DSC1: variants seen among roughly 807,000 people sequenced by gnomAD.
DSC1 encodes the protein desmocollin 1, also known as desmocollin-1.
A neutral mutation model predicts 98.8 loss-of-function variants in DSC1; 79 were observed. The observed-to-expected ratio is 0.80, with a 90% CI of 0.67 to 0.96. DSC1 has a LOEUF of 0.96. Ranked by LOEUF, DSC1 falls within the 50% of genes least tolerant of loss-of-function variation. The pLI is 0.00. For synonymous variants in DSC1, 405 were observed against 372.1 expected, an observed-to-expected ratio of 1.09 and a Z score of -1.02; for missense variants, 1,115 against 1,075.9, an observed-to-expected ratio of 1.04 and a Z score of -0.51.
In DSC1 at chr18:31,162,726, G is replaced by T; in HGVS notation, c.-132C>A. On this transcript the variant is annotated 5_prime_UTR_variant, in exon 1 of 16. Transcript: ENST00000257198. ...ACCTTGATGCAGCTGAGCTTGGTTT[G>T]GAAGACAGTCCGGAGGCAAGTGATA... is the stretch of plus-strand genomic sequence containing the variant. 1 of 741,862 alleles carries T rather than the reference G, an allele frequency of 1.3e-6. No individual in the cohort carries two copies. The highest frequency in any genetic ancestry group is 1.6e-5 in the South Asian group (1 of 60,918). 46.0% of individuals were successfully genotyped at this position (741,862 alleles called of 1,614,324 possible).
In DSC1 at chr18:31,145,774, G is replaced by T; in HGVS notation, c.776C>A (p.Thr259Asn). 6.2e-7 allele frequency: 1 copy of T among 1,612,742 alleles called. No homozygotes were observed. Among genetic ancestry groups the T allele is most frequent in the Non-Finnish European group, 8.5e-7 (1 of 1,179,502 alleles). The change falls in exon 7 of 16, where the codon ACT (threonine) becomes AAT (asparagine). Residue 259 changes from threonine to asparagine, a missense_variant. Physicochemically the swap from Thr to Asn is moderately conservative, Grantham distance 65. Coordinates refer to ENST00000257198, the MANE Select transcript of DSC1 (RefSeq NM_024421.2). ...FTVPENCRSG[T>N]SVGKVTATDL... ...TGTGGCGGTCACTTTTCCCACTGAAGTTCCTGTTTAGATAAATCCAAAAGT... is the reference window on the plus strand; with the variant it reads ...TGTGGCGGTCACTTTTCCCACTGAATTTCCTGTTTAGATAAATCCAAAAGT...
chr18:31,156,856 T>A (rs1329191380), intron 3 of DSC1, among the ~76,000 whole-genome samples: 1 of 152,214 alleles, frequency 6.6e-6, no homozygotes, highest in African/African-American at 2.4e-5. Context: ...GAGTTAAACA[T>A]TCAAATCAAT....
intron 15 of DSC1, 165 bp downstream of exon 15, chr18:31,131,429 T>C: frequency 1.0e-6 from 1 of 964,828 alleles, no homozygotes; most frequent in South Asian, 1.8e-5. Context: ...TTTTCAAAGA[T>C]CATTTTTATC....
At position 31,139,805 on chromosome 18, in the gene DSC1, C is replaced by T. The variant is rs1458208837; in HGVS notation, c.1606G>A (p.Glu536Lys). Residue 536 changes from glutamate (E) to lysine (K), a missense_variant, in exon 11 of 16, where the codon GAA becomes AAA. By Grantham distance (56) the Glu-to-Lys change is moderately conservative (BLOSUM62 1). Transcript: ENST00000257198. ...TGGTTGTTTTTTACAAATTTGGATT[C>T]TCTATCTAGTACTTTTAGAGTTCTC... ...DLRTLKVLDR[E>K]SKFVKNNQYN... The T allele has an allele frequency of 1.2e-6, 2 of 1,611,570 alleles. No homozygotes were observed. The highest frequency in any genetic ancestry group is 1.3e-5 in the African/African-American group (1 of 74,782).
chr18:31,148,649 G>A lies in DSC1; in HGVS notation c.628-7C>T. On this transcript the variant is annotated splice_region_variant and splice_polypyrimidine_tract_variant and intron_variant, in intron 5 of 15. Transcript: ENST00000257198. ...TTGTTGCATAGCCATATAACTGAAAGAAGGGAAAATACCATCAATGTATTC... is the reference window on the plus strand; with the variant it reads ...TTGTTGCATAGCCATATAACTGAAAAAAGGGAAAATACCATCAATGTATTC... 6.4e-7 allele frequency: 1 copy of A among 1,561,842 alleles called. No homozygotes were observed. The highest frequency in any genetic ancestry group is 2.3e-5 in the East Asian group (1 of 43,812).
At chr18:31,144,121 G>A (rs1988793612) in intron 7 of DSC1, among the ~76,000 whole-genome samples, 1 of 152,160 alleles carries the variant, frequency 6.6e-6, no homozygotes, top group East Asian at 1.9e-4. Context: ...TGTTGCCCAG[G>A]CTGGTCACGA....
chr18:31,148,656 A>G lies in DSC1; in HGVS notation c.628-14T>C. ...ATAGCCATATAACTGAAAGAAGGGA[A>G]AATACCATCAATGTATTCTCAAACC... On this transcript the variant is annotated splice_polypyrimidine_tract_variant and intron_variant, in intron 5 of 15. Transcript: ENST00000257198. The G allele has an allele frequency of 6.4e-7, 1 of 1,560,908 alleles. No individual in the cohort carries two copies. The highest frequency in any genetic ancestry group is 8.8e-7 in the Non-Finnish European group (1 of 1,142,238).
intron 1 of DSC1, among the ~76,000 whole-genome samples, chr18:31,161,928 C>T (rs1989217016): frequency 3.9e-5 from 6 of 152,050 alleles, no homozygotes; most frequent in Admixed American, 3.9e-4. Flanking sequence ...GAAATAACCC[C>T]CCTCTCTTCC....
Position 31,159,210 on chromosome 18 carries a change from C to T in DSC1, c.148+235G>A, listed in dbSNP as rs559052549. ...CTGGGACTACAGGCGCCCGCCACCGCGCCCGGCTAATTTTTTGTATTTTTA... is the reference window on the plus strand; with the variant it reads ...CTGGGACTACAGGCGCCCGCCACCGTGCCCGGCTAATTTTTTGTATTTTTA... On this transcript the variant is annotated intron_variant, in intron 2 of 15. Transcript: ENST00000257198. Among the ~76,000 whole-genome samples the T allele has an allele frequency of 8.8e-5, 11 of 124,698 alleles. 1 individual carries two copies. The East Asian group carries it at 1.2e-3, about 14-fold the overall frequency. The allele number at this position is 124,698 out of a possible 152,430, so 81.8% of individuals were successfully genotyped here.
intron 5 of DSC1, among the ~76,000 whole-genome samples, chr18:31,152,034 C>T (rs1185187869): frequency 1.3e-5 from 2 of 151,704 alleles, no homozygotes; most frequent in Non-Finnish European, 2.9e-5. Flanking sequence ...TGGTGGTGGG[C>T]GCCTGTAATC....
intron 7 of DSC1, among the ~76,000 whole-genome samples, chr18:31,144,502 C>A (rs1351743219): frequency 2.0e-5 from 3 of 152,134 alleles, no homozygotes; most frequent in Non-Finnish European, 4.4e-5. Context: ...AGAAGCCAAT[C>A]TTAAAAGCCT....
intron 4 of DSC1, among the ~76,000 whole-genome samples, chr18:31,155,632 A>G (rs1313124554): frequency 2.0e-5 from 3 of 152,190 alleles, no homozygotes; most frequent in African/African-American, 7.2e-5. Flanking sequence ...TTTGCAATCC[A>G]GCTATGTGGC....
rs547412113 is a variant in DSC1 at position 31,134,144 on chromosome 18, A to C, written c.1877-14T>G. On this transcript the variant is annotated splice_polypyrimidine_tract_variant and intron_variant, in intron 12 of 15. Transcript: ENST00000257198. ...TGGCAGTTTTACCTAGGGAAAAAAA[A>C]GACAGAATATATATGGATTGGCTGT... 25 of 1,599,854 alleles carry C rather than the reference A, an allele frequency of 1.6e-5. No individual in the cohort carries two copies. In the African/African-American group the frequency reaches 2.9e-4, roughly 19 times the overall value.
At chr18:31,150,288 C>T (rs59243352) in intron 5 of DSC1, among the ~76,000 whole-genome samples, 5 of 74,578 alleles carry the variant, frequency 6.7e-5, no homozygotes, top group South Asian at 4.6e-4. Context: ...ATCACCACCA[C>T]CACCACTACC....
chr18:31,162,349 C>A (rs1468124682), intron 1 of DSC1, among the ~76,000 whole-genome samples, 183 bp downstream of exon 1: 1 of 152,186 alleles, frequency 6.6e-6, no homozygotes, highest in Non-Finnish European at 1.5e-5. Context: ...AAGCTGAACA[C>A]TTTCCATCCT....
At chr18:31,131,927 C>G in intron 14 of DSC1, 85 bp from the exon 15 acceptor site, 3 of 1,440,954 alleles carry the variant, frequency 2.1e-6, no homozygotes, top group Non-Finnish European at 2.8e-6. Flanking sequence ...ATAGGCAAAT[C>G]ACTTGCCTGC....
Position 31,130,061 on chromosome 18 carries a change from G to A in DSC1, c.*453C>T, listed in dbSNP as rs1453828866. 1 of 161,094 alleles carries A rather than the reference G, an allele frequency of 6.2e-6. No individual in the cohort carries two copies. The highest frequency in any genetic ancestry group is 1.8e-4 in the East Asian group (1 of 5,542). 10.0% of individuals were successfully genotyped at this position (161,094 alleles called of 1,614,324 possible). A position where few individuals can be genotyped will look rare whatever the true frequency, so the allele number is the denominator to read the frequency against. On this transcript the variant is annotated 3_prime_UTR_variant, in exon 16 of 16. Coordinates refer to ENST00000257198, the MANE Select transcript of DSC1 (RefSeq NM_024421.2). ...AAAGTCCTTTTTAAACCACTCAGGT[G>A]GAGAGAATGCAATTATCTGGCACCA...
chr18:31,159,376 CT>C, intron 2 of DSC1, 68 bp downstream of exon 2: 2 of 1,539,460 alleles, frequency 1.3e-6, no homozygotes, highest in South Asian at 2.3e-5. Flanking sequence ...TTATCCCAAA[CT>C]TTACAAGAGC....
At chr18:31,157,697 C>T (rs1454144220) in intron 2 of DSC1, 124 bp from the exon 3 acceptor site, 2 of 933,816 alleles carry the variant, frequency 2.1e-6, no homozygotes, top group Non-Finnish European at 3.3e-6. Context: ...TTGGAATGTG[C>T]TCAGCACCTG....
Sources: gnomAD v4.1 joint callset for allele counts (sites outside exome capture counted in the v4.1 genomes callset) on GRCh38, gnomAD v4.1.1 for gene constraint, MANE v1.5 for transcripts, NCBI Gene and HGNC (gene_info 2026-07-23, HGNC 2026-07-21) for gene names.